Variants in TSHZ2 observed in about 807,000 individuals in gnomAD.
TSHZ2 encodes teashirt zinc finger homeobox 2.
In TSHZ2, 21 loss-of-function variants were observed where a neutral mutation model predicts 74.4. The observed-to-expected ratio is 0.28, with a 90% confidence interval of 0.20 to 0.41. The LOEUF (loss-of-function observed/expected upper bound fraction) is 0.41. Ranked by LOEUF, TSHZ2 falls within the 10% of genes least tolerant of loss-of-function variation. TSHZ2 has a pLI of 1.00. For synonymous variants in TSHZ2, 540 were observed against 515.3 expected, an observed-to-expected ratio of 1.05 and a Z score of -0.65; for missense variants, 1,244 against 1,293.5, an observed-to-expected ratio of 0.96 and a Z score of 0.59.
intron 1 of TSHZ2, among the ~76,000 whole-genome samples, chr20:53,073,431 T>C (rs1985260602): frequency 1.3e-5 from 2 of 150,132 alleles, no homozygotes; most frequent in South Asian, 4.4e-4. Context: ...CATTCATCTA[T>C]CCCTCCATCC....
chr20:52,994,258 C>A (rs1243828383), intron 1 of TSHZ2, among the ~76,000 whole-genome samples: 1 of 152,086 alleles, frequency 6.6e-6, no homozygotes, highest in Non-Finnish European at 1.5e-5. Context: ...AGAAGGCACC[C>A]AGTGAGGTCT....
intron 1 of TSHZ2, among the ~76,000 whole-genome samples, chr20:53,106,007 G>A (rs948362999): frequency 6.6e-5 from 10 of 152,220 alleles, no homozygotes; most frequent in Non-Finnish European, 8.8e-5. Context: ...ACGATGTGAC[G>A]CTTTGATACA....
Position 53,255,593 on chromosome 20 carries a change from C to T in TSHZ2, c.2135C>T (p.Pro712Leu). 1 of 1,583,808 alleles carries T rather than the reference C, an allele frequency of 6.3e-7. No homozygotes were observed. Residue 712 changes from proline (P) to leucine (L), a missense_variant, in exon 2 of 3, where the codon CCC becomes CTC. This residue lies in a region of TSHZ2 where 562 missense variants were observed against 544.0 expected (regional missense o/e 1.03). Coordinates refer to ENST00000371497, the MANE Select transcript of TSHZ2 (RefSeq NM_173485.6). The surrounding 1 kb of genome is among the most constrained non-coding windows in gnomAD (Gnocchi z 4.1). ...LNNHLGKATEPLRSPSCSSPS... is the reference protein window; with the variant it reads ...LNNHLGKATELLRSPSCSSPS... Reference sequence around the variant, plus strand: ...AATCACTTGGGCAAAGCCACGGAGCCCTTGCGCTCACCTTCCTGCTCCAGC... The same window carrying T: ...AATCACTTGGGCAAAGCCACGGAGCTCTTGCGCTCACCTTCCTGCTCCAGC...
chr20:53,136,663 CTTGAG>C (rs1223333176), intron 1 of TSHZ2, among the ~76,000 whole-genome samples: 8 of 152,284 alleles, frequency 5.3e-5, no homozygotes, highest in East Asian at 1.9e-4. Flanking sequence ...CTTCTCTTGG[CTTGAG>C]TTAAGAGTTT....
chr20:53,142,779 G>A (rs1270956504), intron 1 of TSHZ2, among the ~76,000 whole-genome samples: 1 of 150,836 alleles, frequency 6.6e-6, no homozygotes, highest in Non-Finnish European at 1.5e-5. Context: ...AGGCCATTGA[G>A]AGGTCCTCTA....
intron 1 of TSHZ2, among the ~76,000 whole-genome samples, chr20:52,991,200 C>T (rs945537804): frequency 3.4e-4 from 38 of 113,082 alleles, no homozygotes; most frequent in East Asian, 1.1e-3. Flanking sequence ...TTTTCTGATG[C>T]ATGATTTTGT....
chr20:53,343,888 AT>A (rs1245426443), intron 2 of TSHZ2, among the ~76,000 whole-genome samples: 6 of 152,224 alleles, frequency 3.9e-5, no homozygotes, highest in African/African-American at 1.4e-4. Context: ...TGAATAGCCT[AT>A]CCCCGGCTCT....
At chr20:53,155,820 A>G (rs1260734353) in intron 1 of TSHZ2, among the ~76,000 whole-genome samples, 2 of 152,210 alleles carry the variant, frequency 1.3e-5, no homozygotes, top group Non-Finnish European at 2.9e-5. Flanking sequence ...GACAATTAAG[A>G]CATGATCCTG....
chr20:53,237,267 A>G (rs372451197), intron 1 of TSHZ2, among the ~76,000 whole-genome samples: 57 of 152,316 alleles, frequency 3.7e-4, no homozygotes, highest in Middle Eastern at 3.4e-3. Flanking sequence ...CTCAAAATCA[A>G]TGCCTCTAAT....
At chr20:53,261,210 G>A (rs965160502) in intron 2 of TSHZ2, among the ~76,000 whole-genome samples, 2 of 152,172 alleles carry the variant, frequency 1.3e-5, no homozygotes, top group Non-Finnish European at 2.9e-5. Context: ...GTAAAATGTG[G>A]CCTAAGAGCT....
chr20:53,012,668 A>G (rs1464887102), intron 1 of TSHZ2, among the ~76,000 whole-genome samples: 1 of 152,126 alleles, frequency 6.6e-6, no homozygotes, highest in Non-Finnish European at 1.5e-5. Flanking sequence ...AACCACACAC[A>G]CACACACATG....
intron 1 of TSHZ2, among the ~76,000 whole-genome samples, chr20:53,020,821 A>G (rs1282661420): frequency 6.6e-6 from 1 of 152,212 alleles, no homozygotes; most frequent in Non-Finnish European, 1.5e-5. Flanking sequence ...TTCTACCTGG[A>G]GAGAAATCTC....
At chr20:53,409,367 C>A (rs1982965090) in intron 2 of TSHZ2, among the ~76,000 whole-genome samples, 1 of 152,084 alleles carries the variant, frequency 6.6e-6, no homozygotes, top group South Asian at 2.1e-4. Context: ...AAGACATCAA[C>A]TTTCCCAAGG....
At chr20:53,246,713 G>C (rs1990214424) in intron 1 of TSHZ2, among the ~76,000 whole-genome samples, 1 of 152,116 alleles carries the variant, frequency 6.6e-6, no homozygotes, top group Non-Finnish European at 1.5e-5. Flanking sequence ...AACCACAAAG[G>C]GATGACAGAA....
rs10566003 is a variant in TSHZ2 at position 53,053,581 on chromosome 20, G to GTATA, written c.40+80264_40+80267dup. Among the ~76,000 whole-genome samples, 224 of 150,002 alleles carry GTATA rather than the reference G, an allele frequency of 1.5e-3. 1 individual carries two copies. The highest frequency in any genetic ancestry group is 2.1e-3 in the Non-Finnish European group (142 of 67,464). ...GCTATATATGTATGTATATGTGTGT[G>GTATA]TATATATATATATATATATTTTTCT... is the stretch of plus-strand genomic sequence containing the variant. On this transcript the variant is annotated intron_variant, in intron 1 of 2. Transcript: ENST00000371497.
intron 1 of TSHZ2, among the ~76,000 whole-genome samples, chr20:53,144,909 C>G (rs1024105095): frequency 6.6e-6 from 1 of 151,800 alleles, no homozygotes; most frequent in African/African-American, 2.4e-5. Flanking sequence ...TTTTTTAAAA[C>G]TTTCTCTTCA....
chr20:53,304,814 T>C (rs767172106), intron 2 of TSHZ2, among the ~76,000 whole-genome samples: 1 of 152,074 alleles, frequency 6.6e-6, no homozygotes, highest in Non-Finnish European at 1.5e-5. Context: ...GTATTGTTAG[T>C]AGAGACGGGG....
At chr20:53,051,602 A>G (rs67336932) in intron 1 of TSHZ2, among the ~76,000 whole-genome samples, 5,652 of 152,208 alleles carry the variant, frequency 0.037, 156 homozygotes, top group Non-Finnish European at 0.056. Context: ...TTATTCCATA[A>G]TATTTTCTGG....
Position 53,469,626 on chromosome 20 carries a change from A to G in TSHZ2, c.*9-17518A>G, listed in dbSNP as rs150910550. Among the ~76,000 whole-genome samples, 151 of 55,704 alleles carry G rather than the reference A, an allele frequency of 2.7e-3. 10 individuals carry two copies. Among genetic ancestry groups the G allele is most frequent in the African/African-American group, 9.7e-3 (114 of 11,802 alleles). The allele number at this position is 55,704 out of a possible 152,430, so 36.5% of individuals were successfully genotyped here. On this transcript the variant is annotated intron_variant, in intron 2 of 2. Transcript: ENST00000371497. Reference sequence around the variant, plus strand: ...CAAGAAAGATAGATAGAGAGGGAGGAAGGGAGGGAGGAAGGAAGGAAGGAA... The same window carrying G: ...CAAGAAAGATAGATAGAGAGGGAGGGAGGGAGGGAGGAAGGAAGGAAGGAA...
Sources: gnomAD v4.1 joint callset for allele counts (sites outside exome capture counted in the v4.1 genomes callset) on GRCh38, gnomAD v4.1.1 for gene constraint, gnomAD v4.1.1 regional missense constraint, Gnocchi (gnomAD v3.1) non-coding constraint, MANE v1.5 for transcripts, NCBI Gene and HGNC (gene_info 2026-07-23, HGNC 2026-07-21) for gene names.